The following KCNQ3 variants were observed in gnomAD, a reference collection of about 807,000 sequenced individuals.
KCNQ3 encodes potassium voltage-gated channel subfamily KQT member 3.
KCNQ3 carries 30 observed loss-of-function variants against 92.5 expected under a neutral mutation model. That is an observed-to-expected ratio of 0.32 (90% CI 0.24 to 0.44). KCNQ3 has a LOEUF of 0.44. KCNQ3 is among the 20% of genes least tolerant of loss of function. KCNQ3 has a pLI of 1.00. For synonymous variants in KCNQ3, 450 were observed against 468.8 expected, an observed-to-expected ratio of 0.96 and a Z score of 0.52; for missense variants, 913 against 1,140.3, an observed-to-expected ratio of 0.80 and a Z score of 2.87.
At chr8:132,156,698 C>G (rs757363766) in intron 9 of KCNQ3, among the ~76,000 whole-genome samples, 2 of 152,140 alleles carry the variant, frequency 1.3e-5, no homozygotes, top group Non-Finnish European at 2.9e-5. Flanking sequence ...TTGGCAAACA[C>G]AGAGGGTTAA....
chr8:132,440,576 T>C (rs1326014810), intron 1 of KCNQ3, among the ~76,000 whole-genome samples: 1 of 152,110 alleles, frequency 6.6e-6, no homozygotes, highest in African/African-American at 2.4e-5. Flanking sequence ...ATGTCGGTCG[T>C]GGGAAACTGA....
chr8:132,141,607 T>C (rs1017531135), intron 9 of KCNQ3, among the ~76,000 whole-genome samples: 1 of 152,198 alleles, frequency 6.6e-6, no homozygotes, highest in African/African-American at 2.4e-5. Flanking sequence ...CCGCTATAAA[T>C]TGCCTAGCTC....
intron 1 of KCNQ3, among the ~76,000 whole-genome samples, chr8:132,352,902 G>A (rs540856337): frequency 6.6e-6 from 1 of 152,274 alleles, no homozygotes; most frequent in African/African-American, 2.4e-5. Flanking sequence ...TGGGCATGAT[G>A]TCCCAGGAAG....
chr8:132,455,773 G>A (rs1179779468), intron 1 of KCNQ3, among the ~76,000 whole-genome samples: 8 of 151,982 alleles, frequency 5.3e-5, no homozygotes, highest in African/African-American at 1.7e-4. Context: ...ACAGAGTCTC[G>A]CTCTGTCGCC....
chr8:132,206,793 T>G (rs936324437), intron 1 of KCNQ3, among the ~76,000 whole-genome samples: 7 of 152,204 alleles, frequency 4.6e-5, no homozygotes, highest in Middle Eastern at 3.2e-3. Context: ...AAAACCAACT[T>G]TTTCTTTCAT....
intron 1 of KCNQ3, among the ~76,000 whole-genome samples, chr8:132,434,353 A>C (rs2130828537): frequency 6.6e-6 from 1 of 152,310 alleles, no homozygotes; most frequent in South Asian, 2.1e-4. Context: ...ACATACTATT[A>C]ACATTGTCTT....
chr8:132,480,600 G>A lies in KCNQ3; in HGVS notation c.-68C>T, dbSNP rs1822537127. 1 of 1,224,944 alleles carries A rather than the reference G, an allele frequency of 8.2e-7. No individual in the cohort carries two copies. The highest frequency in any genetic ancestry group is 1.6e-5 in the South Asian group (1 of 62,498). The allele number at this position is 1,224,944 out of a possible 1,614,324, so 75.9% of individuals were successfully genotyped here. On this transcript the variant is annotated 5_prime_UTR_variant, in exon 1 of 15. Transcript: ENST00000388996. Reference sequence around the variant, plus strand: ...TCTGGGAAGAAGGGGCGCTCGGGGTGCGTGAACGAGGCGGCGGCGGCGGCT... The same window carrying A: ...TCTGGGAAGAAGGGGCGCTCGGGGTACGTGAACGAGGCGGCGGCGGCGGCT...
intron 1 of KCNQ3, among the ~76,000 whole-genome samples, chr8:132,285,582 G>A (rs1177917059): frequency 6.6e-6 from 1 of 152,204 alleles, no homozygotes; most frequent in Non-Finnish European, 1.5e-5. Flanking sequence ...GAGAAGCAGA[G>A]TGAAAAGATT....
chr8:132,379,093 C>T (rs2130751205), intron 1 of KCNQ3, among the ~76,000 whole-genome samples: 1 of 152,316 alleles, frequency 6.6e-6, no homozygotes, highest in South Asian at 2.1e-4. Context: ...TTGGCTGTTA[C>T]TTGCAGCCCA....
chr8:132,252,493 G>C (rs188970986), intron 1 of KCNQ3, among the ~76,000 whole-genome samples: 39 of 152,316 alleles, frequency 2.6e-4, no homozygotes, highest in Non-Finnish European at 4.6e-4. Flanking sequence ...TAAAGGTAGT[G>C]AGGACCCAAA....
intron 1 of KCNQ3, among the ~76,000 whole-genome samples, chr8:132,193,208 A>G (rs1041567413): frequency 6.6e-6 from 1 of 152,146 alleles, no homozygotes; most frequent in African/African-American, 2.4e-5. Context: ...TTTGCAAACA[A>G]TTCCAGTCAA....
At chr8:132,149,884 C>T (rs185752284) in intron 9 of KCNQ3, among the ~76,000 whole-genome samples, 16 of 152,310 alleles carry the variant, frequency 1.1e-4, no homozygotes, top group South Asian at 4.1e-4. Context: ...CCCCCTCCCC[C>T]AGCCAGAGAG....
At chr8:132,226,237 C>T (rs929609713) in intron 1 of KCNQ3, among the ~76,000 whole-genome samples, 2 of 150,694 alleles carry the variant, frequency 1.3e-5, no homozygotes, top group African/African-American at 4.9e-5. Context: ...CACCAGTGCA[C>T]TCCAGCCTGG....
Position 132,126,178 on chromosome 8 carries a change from G to A in KCNQ3, c.*3084C>T, listed in dbSNP as rs1433233993. ...TGGAATTAATTTGTCAATATTTCAT[G>A]GAGTTCTGCTGAAACGATTGCAATT... On this transcript the variant is annotated 3_prime_UTR_variant, in exon 15 of 15. Transcript: ENST00000388996. 6.6e-6 allele frequency: 1 copy of A among 152,180 alleles called. No homozygotes were observed. The highest frequency in any genetic ancestry group is 1.9e-4 in the East Asian group (1 of 5,196). The allele number at this position is 152,180 out of a possible 1,614,324, so 9.4% of individuals were successfully genotyped here. A position where few individuals can be genotyped will look rare whatever the true frequency, so the allele number is the denominator to read the frequency against.
chr8:132,136,138 AAAAAAAAAG>A (rs1825080605), intron 12 of KCNQ3, among the ~76,000 whole-genome samples: 1 of 148,896 alleles, frequency 6.7e-6, no homozygotes, highest in Non-Finnish European at 1.5e-5. Context: ...AAAAAAAAAA[AAAAAAAAAG>A]AAAAGAGAAA....
At chr8:132,316,268 G>A (rs1817739445) in intron 1 of KCNQ3, among the ~76,000 whole-genome samples, 1 of 152,090 alleles carries the variant, frequency 6.6e-6, no homozygotes, top group African/African-American at 2.4e-5. Context: ...TGTTCAACTT[G>A]CCTCCTCTCC....
At chr8:132,162,730 T>C (rs866043301) in intron 9 of KCNQ3, among the ~76,000 whole-genome samples, 1 of 152,186 alleles carries the variant, frequency 6.6e-6, no homozygotes, top group African/African-American at 2.4e-5. Context: ...TAGGGCTTCA[T>C]GGAAACACTT....
At chr8:132,260,888 C>T (rs767133623) in intron 1 of KCNQ3, among the ~76,000 whole-genome samples, 2 of 152,144 alleles carry the variant, frequency 1.3e-5, no homozygotes, top group Non-Finnish European at 2.9e-5. Flanking sequence ...CATCATCCAT[C>T]CATCCATCCA....
chr8:132,324,669 T>C (rs1447005862), intron 1 of KCNQ3, among the ~76,000 whole-genome samples: 3 of 152,160 alleles, frequency 2.0e-5, no homozygotes, highest in Non-Finnish European at 2.9e-5. Context: ...TACCAAATTA[T>C]TTACATATAA....
Sources: allele counts gnomAD v4.1 joint callset (sites outside exome capture counted in the v4.1 genomes callset), GRCh38; gene constraint gnomAD v4.1.1; transcripts MANE v1.5; gene names NCBI Gene and HGNC (gene_info 2026-07-23, HGNC 2026-07-21).